Variants in SYT7 observed in about 807,000 individuals in gnomAD.
The protein encoded by SYT7 is synaptotagmin 7.
Under a neutral mutation model 75.1 loss-of-function variants are expected in SYT7, and 29 were observed. The observed-to-expected ratio is 0.39, with a 90% CI of 0.29 to 0.53. The LOEUF is 0.53. Among genes scored for constraint, SYT7 ranks in the 20% least tolerant of loss-of-function variants. The pLI is 0.77. For missense variants in SYT7, 693 were observed against 953.2 expected, an observed-to-expected ratio of 0.73 and a Z score of 3.59; for synonymous variants, 376 against 401.7, an observed-to-expected ratio of 0.94 and a Z score of 0.76.
At chr11:61,579,109 C>A (rs531349403) in intron 1 of SYT7, among the ~76,000 whole-genome samples, 2 of 152,274 alleles carry the variant, frequency 1.3e-5, no homozygotes, top group South Asian at 2.1e-4. Context: ...GAGGGCACAG[C>A]CCCAGGCCAG....
intron 1 of SYT7, among the ~76,000 whole-genome samples, chr11:61,564,628 T>C (rs2063720033): frequency 6.6e-6 from 1 of 152,120 alleles, no homozygotes; most frequent in Non-Finnish European, 1.5e-5. Flanking sequence ...TGTTCCACCC[T>C]AGGGGAGCCA....
chr11:61,560,929 C>T (rs1326735609), intron 1 of SYT7, among the ~76,000 whole-genome samples: 1 of 152,110 alleles, frequency 6.6e-6, no homozygotes, highest in Non-Finnish European at 1.5e-5. Flanking sequence ...TCTGTCTCCC[C>T]AGAACTTTCC....
chr11:61,543,229 T>C (rs1185145339), intron 5 of SYT7, among the ~76,000 whole-genome samples: 8 of 152,074 alleles, frequency 5.3e-5, no homozygotes, highest in South Asian at 2.1e-4. Flanking sequence ...CTTTTCAGGG[T>C]TCTTTGTTTC....
rs1322317405 is a variant in SYT7 at position 61,580,763 on chromosome 11, GC to G, written c.31+26del. ...GCTGTCCTGCCCGCCGGTGCGGGGC[GC>G]CCCAGCCCGCCGGGGCCGCGCTTAC... On this transcript the variant is annotated intron_variant, in intron 1 of 12. Transcript: ENST00000539008. The surrounding 1 kb of genome is among the most constrained non-coding windows in gnomAD (Gnocchi z 6.1). The G allele has an allele frequency of 1.6e-6, 2 of 1,239,714 alleles. No homozygotes were observed. The highest frequency in any genetic ancestry group is 3.3e-5 in the East Asian group (1 of 29,998). The allele number at this position is 1,239,714 out of a possible 1,614,324, so 76.8% of individuals were successfully genotyped here. A position where few individuals can be genotyped will look rare whatever the true frequency, so the allele number is the denominator to read the frequency against.
intron 9 of SYT7, 115 bp downstream of exon 9, chr11:61,527,800 C>T: frequency 7.9e-7 from 1 of 1,265,148 alleles, no homozygotes; most frequent in Non-Finnish European, 1.1e-6. Context: ...CATTTGTGGG[C>T]CTGCAGGTGT....
At chr11:61,579,279 C>T (rs2064171523) in intron 1 of SYT7, among the ~76,000 whole-genome samples, 2 of 152,246 alleles carry the variant, frequency 1.3e-5, no homozygotes, top group Non-Finnish European at 2.9e-5. Flanking sequence ...ATACTCCTGC[C>T]ACGGGCCATG....
chr11:61,558,983 A>G (rs980498570), intron 1 of SYT7, among the ~76,000 whole-genome samples: 1 of 152,168 alleles, frequency 6.6e-6, no homozygotes, highest in African/African-American at 2.4e-5. Context: ...ACCTCAGGTG[A>G]TCCATCCACC....
intron 3 of SYT7, among the ~76,000 whole-genome samples, chr11:61,550,757 G>A (rs953766788): frequency 6.6e-6 from 1 of 152,190 alleles, no homozygotes; most frequent in Non-Finnish European, 1.5e-5. Flanking sequence ...GGCTGGCCAA[G>A]GTGGTCTGCA....
In SYT7 at chr11:61,546,853, G is replaced by A. The variant is rs1008070000; in HGVS notation, c.347+324C>T. ...ACAACCGAGGGGGCGGGACCCAAAC[G>A]GGCAACCCCATCCTGACTGCACAGA... On this transcript the variant is annotated intron_variant, in intron 4 of 12. Coordinates refer to ENST00000539008, the MANE Select transcript of SYT7 (RefSeq NM_001365809.2). The surrounding 1 kb of genome is among the most constrained non-coding windows in gnomAD (Gnocchi z 7.6). Among the ~76,000 whole-genome samples the A allele has an allele frequency of 4.6e-5, 7 of 152,086 alleles. No homozygotes were observed. Among genetic ancestry groups the A allele is most frequent in the African/African-American group, 9.7e-5 (4 of 41,396 alleles).
At chr11:61,583,595 C>A (rs561732190), upstream of SYT7, among the ~76,000 whole-genome samples, 1 of 152,294 alleles carries the variant, frequency 6.6e-6, no homozygotes, top group Non-Finnish European at 1.5e-5. Flanking sequence ...AGACTCCCAG[C>A]CCTTTGCTAA....
chr11:61,546,396 AGAG>A lies in SYT7; in HGVS notation c.348-144_348-142del. 1 of 592,772 alleles carries A rather than the reference AGAG, an allele frequency of 1.7e-6. No individual in the cohort carries two copies. Among genetic ancestry groups the A allele is most frequent in the Non-Finnish European group, 2.9e-6 (1 of 343,930 alleles). The allele number at this position is 592,772 out of a possible 1,614,324, so 36.7% of individuals were successfully genotyped here. ...ATAAAAGGAAGAAAGAGACAGTGAG[AGAG>A]GAGGAGGAGAGAGACAGACGGACAT... On this transcript the variant is annotated intron_variant, in intron 4 of 12. Transcript: ENST00000539008. The surrounding 1 kb of genome is among the most constrained non-coding windows in gnomAD (Gnocchi z 7.6).
At chr11:61,549,712 T>G (rs1213885078) in intron 3 of SYT7, among the ~76,000 whole-genome samples, 1 of 152,164 alleles carries the variant, frequency 6.6e-6, no homozygotes, top group African/African-American at 2.4e-5. Flanking sequence ...CTCAGCAGCT[T>G]CGGGGGCAGG....
the SYT7 span, among the ~76,000 whole-genome samples, chr11:61,587,005 G>A: frequency 6.6e-6 from 1 of 152,144 alleles, no homozygotes; most frequent in Non-Finnish European, 1.5e-5. Context: ...CTCCGCTGAT[G>A]GGAACCAAGC....
chr11:61,572,908 A>G (rs1247104959), intron 1 of SYT7, among the ~76,000 whole-genome samples: 1 of 152,172 alleles, frequency 6.6e-6, no homozygotes, highest in Non-Finnish European at 1.5e-5. Flanking sequence ...ACACACACAC[A>G]TACACATCAT....
intron 2 of SYT7, 55 bp downstream of exon 2, chr11:61,556,049 G>A: frequency 2.1e-6 from 3 of 1,452,156 alleles, no homozygotes; most frequent in East Asian, 2.3e-5. Context: ...TGTGGGGAGG[G>A]GGGGCAGTGT....
chr11:61,533,693 CAG>C (rs2062779888), intron 7 of SYT7: 1 of 984,958 alleles, frequency 1.0e-6, no homozygotes, highest in Non-Finnish European at 1.2e-6. Flanking sequence ...TCCACAGTGA[CAG>C]AGTGTTCTGT....
chr11:61,522,431 C>A (rs887928733), intron 12 of SYT7, among the ~76,000 whole-genome samples: 4 of 152,040 alleles, frequency 2.6e-5, no homozygotes, highest in Non-Finnish European at 1.5e-5. Flanking sequence ...CGCAGATGAT[C>A]CACCCGTCTT....
Position 61,542,706 on chromosome 11 carries a change from G to A in SYT7, c.573-127C>T. 2 of 1,370,532 alleles carry A rather than the reference G, an allele frequency of 1.5e-6. No individual in the cohort carries two copies. The highest frequency in any genetic ancestry group is 1.9e-6 in the Non-Finnish European group (2 of 1,065,526). 84.9% of individuals were successfully genotyped at this position (1,370,532 alleles called of 1,614,324 possible). ...GGTGCGCGCTGCCGGACCTCGCCAGGCCTCCATCGGAGCTGTCGCCACCGC... is the reference window on the plus strand; with the variant it reads ...GGTGCGCGCTGCCGGACCTCGCCAGACCTCCATCGGAGCTGTCGCCACCGC... On this transcript the variant is annotated intron_variant, in intron 5 of 12. Transcript: ENST00000539008. This position sits in a 1 kb window ranked among gnomAD's most constrained non-coding sequence, Gnocchi z 7.8.
At chr11:61,518,802 A>T in intron 12 of SYT7, 71 bp from the exon 13 acceptor site, 1 of 1,127,492 alleles carries the variant, frequency 8.9e-7, no homozygotes, top group Non-Finnish European at 1.2e-6. Flanking sequence ...CACAGGGGTG[A>T]CACCCCAACT....
Sources: gnomAD v4.1 joint callset for allele counts (sites outside exome capture counted in the v4.1 genomes callset) on GRCh38, gnomAD v4.1.1 for gene constraint, Gnocchi (gnomAD v3.1) non-coding constraint, MANE v1.5 for transcripts, NCBI Gene and HGNC (gene_info 2026-07-23, HGNC 2026-07-21) for gene names.